The following SHISAL1 variants were observed in gnomAD, a reference collection of about 807,000 sequenced individuals.
SHISAL1 encodes protein shisa-like-1.
In SHISAL1, 9 loss-of-function variants were observed where a neutral mutation model predicts 22.6. The observed-to-expected ratio is 0.40, with a 90% CI of 0.24 to 0.70. SHISAL1 has a LOEUF of 0.70. Ranked by LOEUF, SHISAL1 falls within the 30% of genes least tolerant of loss-of-function variation. The pLI is 0.39. For synonymous variants in SHISAL1, 119 were observed against 115.4 expected (o/e 1.03, Z -0.20); for missense variants, 246 against 270.6 (o/e 0.91, Z 0.64).
At chr22:44,263,997 T>G (rs1309916381) in intron 4 of SHISAL1, among the ~76,000 whole-genome samples, 1 of 152,278 alleles carries the variant, frequency 6.6e-6, no homozygotes, top group East Asian at 1.9e-4. Context: ...TGAAGGTTCA[T>G]AGCAGCTTTA....
At position 44,254,742 on chromosome 22, in the gene SHISAL1, AG is replaced by A. The variant is rs141938837; in HGVS notation, c.*-5058del. Among the ~76,000 whole-genome samples the A allele has an allele frequency of 4.1e-3, 626 of 152,032 alleles. 8 individuals are homozygous for A. The highest frequency in any genetic ancestry group is 0.015 in the African/African-American group (601 of 41,396). On this transcript the variant is annotated intron_variant, in intron 4 of 4. Transcript: ENST00000381176. ...TGAAGCAGGAGATATAATATGTAGA[AG>A]GTGGAGGTGACAGCTTGGGAGGAAT... is the stretch of plus-strand genomic sequence containing the variant.
chr22:44,324,093 CAT>C, the SHISAL1 span, among the ~76,000 whole-genome samples: 7 of 152,156 alleles, frequency 4.6e-5, no homozygotes, highest in Non-Finnish European at 8.8e-5. Flanking sequence ...AGGGGTAAAA[CAT>C]AATGGTTAGC....
At chr22:44,297,966 A>G (rs1170914344) in intron 2 of SHISAL1, among the ~76,000 whole-genome samples, 1 of 152,130 alleles carries the variant, frequency 6.6e-6, no homozygotes, top group Non-Finnish European at 1.5e-5. Flanking sequence ...GGGCTGCTGC[A>G]GGGGAGTCCC....
chr22:44,287,640 C>T (rs760701271), intron 3 of SHISAL1, among the ~76,000 whole-genome samples: 20 of 152,114 alleles, frequency 1.3e-4, no homozygotes, highest in Admixed American at 2.0e-4. Flanking sequence ...CAGGCCCCAG[C>T]GGCCTTATGT....
intron 1 of SHISAL1, among the ~76,000 whole-genome samples, chr22:44,305,774 C>A (rs536897514): frequency 1.3e-5 from 2 of 152,310 alleles, no homozygotes; most frequent in South Asian, 4.1e-4. Context: ...CCCCAACCCC[C>A]CGAGTCTGGC....
intron 4 of SHISAL1, among the ~76,000 whole-genome samples, chr22:44,268,441 C>T (rs530521513): frequency 7.9e-5 from 12 of 152,310 alleles, no homozygotes; most frequent in South Asian, 2.1e-4. Flanking sequence ...ACTTAGAAGG[C>T]GCAGTCCCTT....
intron 4 of SHISAL1, among the ~76,000 whole-genome samples, chr22:44,283,729 C>T (rs1001278625): frequency 1.3e-5 from 2 of 152,158 alleles, no homozygotes; most frequent in Admixed American, 6.5e-5. Context: ...CCGTTTTAAA[C>T]GGAAGATTCT....
Position 44,296,665 on chromosome 22 carries a change from C to A in SHISAL1, c.281+7G>T. ...CAGTGGGGTTGCACCCCCAGAGTGGCACTCACTTGTGCATGTAACCCTCGG... is the reference window on the plus strand; with the variant it reads ...CAGTGGGGTTGCACCCCCAGAGTGGAACTCACTTGTGCATGTAACCCTCGG... On this transcript the variant is annotated splice_region_variant and intron_variant, in intron 3 of 4. Coordinates refer to ENST00000381176, the MANE Select transcript of SHISAL1 (RefSeq NM_001099294.2). 1.2e-6 allele frequency: 2 copies of A among 1,612,788 alleles called. No homozygotes were observed. Among genetic ancestry groups the A allele is most frequent in the Non-Finnish European group, 1.7e-6 (2 of 1,179,574 alleles).
chr22:44,249,557 A>G lies in SHISAL1; in HGVS notation c.*128T>C. On this transcript the variant is annotated 3_prime_UTR_variant, in exon 5 of 5. Transcript: ENST00000381176. ...GAAGGGGGCTTTGGGCACAGGCAGC[A>G]TTTCCTCCTGTGCCACCGCCGCTAC... 4.3e-6 allele frequency: 3 copies of G among 699,118 alleles called. No homozygotes were observed. The allele number at this position is 699,118 out of a possible 1,614,324, so 43.3% of individuals were successfully genotyped here.
chr22:44,300,150 GAGAGAC>G (rs1036897783), intron 2 of SHISAL1, among the ~76,000 whole-genome samples: 3 of 151,700 alleles, frequency 2.0e-5, no homozygotes, highest in South Asian at 2.1e-4. Context: ...CAGAAACAGA[GAGAGAC>G]AGAGACAGAG....
At chr22:44,302,121 A>G (rs2147303790) in intron 1 of SHISAL1, among the ~76,000 whole-genome samples, 1 of 152,234 alleles carries the variant, frequency 6.6e-6, no homozygotes, top group Middle Eastern at 3.4e-3. Flanking sequence ...CTGGCGGATC[A>G]CCTGAGGTCA....
At chr22:44,265,798 G>A (rs982969957) in intron 4 of SHISAL1, among the ~76,000 whole-genome samples, 10 of 152,186 alleles carry the variant, frequency 6.6e-5, no homozygotes, top group Admixed American at 2.6e-4. Flanking sequence ...ACACCCCAGC[G>A]ATGGGGAGCT....
chr22:44,263,081 T>TTC (rs1226482640), intron 4 of SHISAL1, among the ~76,000 whole-genome samples: 12 of 125,236 alleles, frequency 9.6e-5, no homozygotes, highest in African/African-American at 2.3e-4. Context: ...CTTTCTTTCT[T>TTC]TTTTTTTTTT....
At chr22:44,283,115 C>T (rs562908112) in intron 4 of SHISAL1, among the ~76,000 whole-genome samples, 1 of 152,348 alleles carries the variant, frequency 6.6e-6, no homozygotes, top group Admixed American at 6.5e-5. Context: ...AGTCACGCTG[C>T]GTGTCAAAGA....
At chr22:44,316,257 T>G (rs1407694149), upstream of SHISAL1, among the ~76,000 whole-genome samples, 1 of 152,114 alleles carries the variant, frequency 6.6e-6, no homozygotes, top group East Asian at 1.9e-4. Context: ...CTTACTAGCT[T>G]GGGACCTCGG....
upstream of SHISAL1, among the ~76,000 whole-genome samples, chr22:44,314,345 C>T (rs1353976800): frequency 2.0e-5 from 3 of 152,162 alleles, no homozygotes; most frequent in South Asian, 2.1e-4. Flanking sequence ...AGTCCCTTGC[C>T]GCTTCTCAGC....
In SHISAL1 at chr22:44,244,622, G is replaced by C. The variant is rs1206977180; in HGVS notation, c.*5063C>G. ...ACCTCCAAGGTCACTTTCACGGGTG[G>C]GACAGGTAAGTGTTCTGAATTCATT... On this transcript the variant is annotated 3_prime_UTR_variant, in exon 5 of 5. Transcript: ENST00000381176. 6.6e-6 allele frequency: 1 copy of C among 152,168 alleles called. No individual in the cohort carries two copies. The highest frequency in any genetic ancestry group is 1.5e-5 in the Non-Finnish European group (1 of 68,040). 9.4% of individuals were successfully genotyped at this position (152,168 alleles called of 1,614,324 possible). A position where few individuals can be genotyped will look rare whatever the true frequency, so the allele number is the denominator to read the frequency against.
At position 44,250,815 on chromosome 22, in the gene SHISAL1, C is replaced by G. The variant is rs904023719; in HGVS notation, c.*-1130G>C. Among the ~76,000 whole-genome samples the G allele has an allele frequency of 7.2e-5, 11 of 152,278 alleles. 1 individual carries two copies. The highest frequency in any genetic ancestry group is 4.6e-4 in the Admixed American group (7 of 15,292). On this transcript the variant is annotated intron_variant, in intron 4 of 4. Coordinates refer to ENST00000381176, the MANE Select transcript of SHISAL1 (RefSeq NM_001099294.2). ...ATTGCAGTTGAATTTCTTTTACTTG[C>G]GTAAATTGCATCTGGTGAGTGTTCT... is the stretch of plus-strand genomic sequence containing the variant.
At chr22:44,288,716 G>C (rs146867645) in intron 3 of SHISAL1, among the ~76,000 whole-genome samples, 42 of 152,324 alleles carry the variant, frequency 2.8e-4, no homozygotes, top group African/African-American at 9.9e-4. Context: ...CTTTGTCCAT[G>C]CTGCACCTCT....
Sources: allele counts gnomAD v4.1 joint callset (sites outside exome capture counted in the v4.1 genomes callset), GRCh38; gene constraint gnomAD v4.1.1; transcripts MANE v1.5; gene names NCBI Gene and HGNC (gene_info 2026-07-23, HGNC 2026-07-21).